Variants in ANKS1B observed in about 807,000 individuals in gnomAD.
ANKS1B encodes ankyrin repeat and sterile alpha motif domain-containing protein 1B.
A neutral mutation model predicts 148.3 loss-of-function variants in ANKS1B; 36 were observed. The observed-to-expected ratio is 0.24, with a 90% CI of 0.19 to 0.32. ANKS1B has a LOEUF of 0.32. ANKS1B is among the 10% of genes least tolerant of loss of function. The pLI is 1.00. For synonymous variants in ANKS1B, 542 were observed against 560.8 expected (o/e 0.97, Z 0.47); for missense variants, 1,157 against 1,542.6 (o/e 0.75, Z 4.19).
intron 9 of ANKS1B, among the ~76,000 whole-genome samples, chr12:99,524,375 T>C (rs920050888): frequency 6.6e-6 from 1 of 152,130 alleles, no homozygotes; most frequent in Non-Finnish European, 1.5e-5. Flanking sequence ...AAACTAGGAA[T>C]ACATTACGTA....
chr12:99,630,602 TAG>T (rs2098148118), intron 9 of ANKS1B, among the ~76,000 whole-genome samples: 1 of 152,238 alleles, frequency 6.6e-6, no homozygotes, highest in Admixed American at 6.5e-5. Context: ...AGAGATGCTG[TAG>T]AAAAGCATCA....
intron 12 of ANKS1B, among the ~76,000 whole-genome samples, chr12:99,343,187 A>T (rs532041323): frequency 6.6e-6 from 1 of 152,174 alleles, no homozygotes; most frequent in East Asian, 1.9e-4. Flanking sequence ...TACCAATAAA[A>T]TGTGTGACCA....
intron 9 of ANKS1B, among the ~76,000 whole-genome samples, chr12:99,630,168 C>T (rs1360963127): frequency 6.6e-6 from 1 of 152,054 alleles, no homozygotes; most frequent in East Asian, 1.9e-4. Flanking sequence ...AAGCATATTT[C>T]TATATGTAAA....
intron 25 of ANKS1B, among the ~76,000 whole-genome samples, chr12:98,769,921 C>T (rs2098545197): frequency 6.6e-6 from 1 of 152,166 alleles, no homozygotes; most frequent in East Asian, 1.9e-4. Context: ...TCTGCTATTT[C>T]TATTTTAATG....
At chr12:99,351,488 T>C (rs2091416082) in intron 12 of ANKS1B, among the ~76,000 whole-genome samples, 1 of 151,986 alleles carries the variant, frequency 6.6e-6, no homozygotes, top group Non-Finnish European at 1.5e-5. Context: ...CCTGTGATGG[T>C]AGAAAACACA....
intron 9 of ANKS1B, among the ~76,000 whole-genome samples, chr12:99,654,071 A>G (rs961231113): frequency 3.0e-4 from 45 of 152,186 alleles, no homozygotes; most frequent in Admixed American, 7.9e-4. Flanking sequence ...ATTTACAACA[A>G]TTCTGTAAAG....
At chr12:99,421,302 G>T (rs1278582893) in intron 11 of ANKS1B, among the ~76,000 whole-genome samples, 2 of 152,164 alleles carry the variant, frequency 1.3e-5, no homozygotes, top group East Asian at 3.9e-4. Context: ...AAGGTTGAAG[G>T]AAAAGAGGAA....
chr12:99,537,360 C>T (rs780206693), intron 9 of ANKS1B, among the ~76,000 whole-genome samples: 6 of 152,070 alleles, frequency 3.9e-5, no homozygotes, highest in Non-Finnish European at 4.4e-5. Flanking sequence ...AATGGTTGTA[C>T]TAATTTACAT....
Position 99,672,042 on chromosome 12 carries a change from T to A in ANKS1B, c.1129-16832A>T, listed in dbSNP as rs566298312. ...AATTTTTCAGATGTACCAAGACAAG[T>A]TCAAAAACATGGCAATATCCTTCAA... On this transcript the variant is annotated intron_variant, in intron 8 of 26. Coordinates refer to ENST00000683438, the MANE Select transcript of ANKS1B (RefSeq NM_001352186.2). 2.6e-5 allele frequency among the ~76,000 whole-genome samples: 4 copies of A among 152,186 alleles called. 1 individual carries two copies. The highest frequency in any genetic ancestry group is 9.6e-5 in the African/African-American group (4 of 41,532).
intron 2 of ANKS1B, among the ~76,000 whole-genome samples, chr12:99,816,278 T>A (rs2069128079): frequency 6.6e-6 from 1 of 151,974 alleles, no homozygotes. Flanking sequence ...GTTGGCTGTC[T>A]GCATATCTTC....
intron 1 of ANKS1B, among the ~76,000 whole-genome samples, chr12:99,874,720 C>G (rs2153731485): frequency 6.6e-6 from 1 of 152,304 alleles, no homozygotes; most frequent in African/African-American, 2.4e-5. Context: ...CTGCTCCAGA[C>G]AGGCCTGGTG....
At chr12:98,979,095 T>C (rs1232293959) in intron 17 of ANKS1B, among the ~76,000 whole-genome samples, 3 of 151,282 alleles carry the variant, frequency 2.0e-5, no homozygotes, top group African/African-American at 7.3e-5. Flanking sequence ...TGAGCTGAGA[T>C]TGCGCCACTG....
At chr12:99,789,269 C>G (rs1436968111) in intron 4 of ANKS1B, among the ~76,000 whole-genome samples, 1 of 152,200 alleles carries the variant, frequency 6.6e-6, no homozygotes, top group African/African-American at 2.4e-5. Context: ...GGCAATACCT[C>G]TATGAGTCTG....
chr12:99,691,967 A>G (rs955169287), intron 8 of ANKS1B, among the ~76,000 whole-genome samples: 3 of 152,226 alleles, frequency 2.0e-5, no homozygotes, highest in African/African-American at 7.2e-5. Flanking sequence ...AAAAGCCAGT[A>G]CAACTGGGGT....
intron 25 of ANKS1B, 190 bp downstream of exon 25, chr12:98,772,852 T>C (rs2098606243): frequency 5.2e-6 from 3 of 581,880 alleles, no homozygotes; most frequent in Non-Finnish European, 8.6e-6. Context: ...AGAAAATGAA[T>C]TTCTGCCATT....
exon 10 of ANKS1B, chr12:98,735,345 T>C (rs1314810193): frequency 1.9e-5 from 8 of 422,146 alleles, no homozygotes; most frequent in Non-Finnish European, 3.4e-5. Flanking sequence ...ATATAGCTTA[T>C]ATGATTTTTT....
At chr12:99,761,802 A>T (rs1180700964) in intron 8 of ANKS1B, among the ~76,000 whole-genome samples, 1 of 151,964 alleles carries the variant, frequency 6.6e-6, no homozygotes, top group Non-Finnish European at 1.5e-5. Context: ...AAAACCCTAA[A>T]CTCCAACAAA....
At chr12:99,082,629 T>C (rs911965274) in intron 16 of ANKS1B, among the ~76,000 whole-genome samples, 4 of 152,036 alleles carry the variant, frequency 2.6e-5, no homozygotes, top group Non-Finnish European at 5.9e-5. Context: ...AGGAGAACAA[T>C]GAGAACTTGA....
chr12:99,415,124 T>C (rs1479524502), intron 11 of ANKS1B, among the ~76,000 whole-genome samples: 1 of 149,366 alleles, frequency 6.7e-6, no homozygotes, highest in Non-Finnish European at 1.5e-5. Flanking sequence ...GAAAAGCATT[T>C]TGACCTCCAA....
Sources: allele counts gnomAD v4.1 joint callset (sites outside exome capture counted in the v4.1 genomes callset), GRCh38; gene constraint gnomAD v4.1.1; transcripts MANE v1.5; gene names NCBI Gene and HGNC (gene_info 2026-07-23, HGNC 2026-07-21).